NSMCE2: variants seen among roughly 807,000 people sequenced by gnomAD.
The protein encoded by NSMCE2 is NSE2 SUMO ligase component of SMC5/6 complex.
NSMCE2 carries 24 observed loss-of-function variants against 23.8 expected under a neutral mutation model. The observed-to-expected ratio is 1.01, with a 90% confidence interval of 0.73 to 1.42. The LOEUF is 1.42. NSMCE2 is among the 40% of genes most tolerant of loss of function. The probability of loss-of-function intolerance (pLI) is 0.00; values close to 1 mark genes in which losing one functional copy is unlikely to be tolerated. For synonymous variants in NSMCE2, 92 were observed against 94.1 expected (o/e 0.98, Z 0.13); for missense variants, 284 against 296.5 (o/e 0.96, Z 0.31).
chr8:125,236,216 A>G (rs1825542305), intron 5 of NSMCE2, among the ~76,000 whole-genome samples: 2 of 152,196 alleles, frequency 1.3e-5, no homozygotes, highest in African/African-American at 2.4e-5. Flanking sequence ...GGGAGTTTCT[A>G]GGGTGCTCAG....
At position 125,117,296 on chromosome 8, in the gene NSMCE2, A is replaced by G. The variant is rs956829899; in HGVS notation, c.157+14809A>G. On this transcript the variant is annotated intron_variant, in intron 3 of 7. Coordinates refer to ENST00000287437, the MANE Select transcript of NSMCE2 (RefSeq NM_173685.4). ...GAGTGTGGTGGCATGATCTCGGCTC[A>G]CTGCAACCTCCACCTCCCAGGTTCA... 7.2e-5 allele frequency among the ~76,000 whole-genome samples: 11 copies of G among 151,790 alleles called. No homozygotes were observed. The South Asian group carries it at 2.3e-3, about 32-fold the overall frequency.
intron 5 of NSMCE2, among the ~76,000 whole-genome samples, chr8:125,334,211 G>A (rs1829990147): frequency 6.6e-6 from 1 of 152,172 alleles, no homozygotes; most frequent in African/African-American, 2.4e-5. Flanking sequence ...CCATTTTGCA[G>A]AGAGGTCTGA....
In NSMCE2 at chr8:125,217,352, T is replaced by A. The variant is rs186830169; in HGVS notation, c.418+35096T>A. ...TTAAAAAATTTTATTTATTTATTTA[T>A]TTATTTATTTTTTATTTATTTATTT... On this transcript the variant is annotated intron_variant, in intron 5 of 7. Coordinates refer to ENST00000287437, the MANE Select transcript of NSMCE2 (RefSeq NM_173685.4). Among the ~76,000 whole-genome samples the A allele has an allele frequency of 4.6e-3, 689 of 149,688 alleles. 4 individuals are homozygous for A. Among genetic ancestry groups the A allele is most frequent in the Non-Finnish European group, 6.8e-3 (457 of 67,266 alleles).
At chr8:125,335,916 C>T (rs1408135131) in intron 5 of NSMCE2, among the ~76,000 whole-genome samples, 1 of 152,100 alleles carries the variant, frequency 6.6e-6, no homozygotes, top group African/African-American at 2.4e-5. Flanking sequence ...GAGATAGAGC[C>T]TCAGAAAACA....
At chr8:125,163,642 A>G (rs569756587) in intron 4 of NSMCE2, among the ~76,000 whole-genome samples, 1 of 152,350 alleles carries the variant, frequency 6.6e-6, no homozygotes, top group Admixed American at 6.5e-5. Context: ...AAAGGTGGTT[A>G]TATAGTTACC....
intron 5 of NSMCE2, among the ~76,000 whole-genome samples, chr8:125,342,920 G>A (rs9297716): frequency 0.44 from 67,520 of 151,886 alleles, 17,070 homozygotes; most frequent in East Asian, 0.55. Context: ...TTGCACCCTC[G>A]GGCTTTGATC....
intron 4 of NSMCE2, among the ~76,000 whole-genome samples, chr8:125,164,672 C>T (rs1190569432): frequency 1.3e-5 from 2 of 152,008 alleles, no homozygotes; most frequent in African/African-American, 4.8e-5. Context: ...TTATTTACTT[C>T]TTTAAAACTT....
intron 3 of NSMCE2, among the ~76,000 whole-genome samples, chr8:125,111,182 G>A (rs186919096): frequency 1.3e-5 from 2 of 152,202 alleles, no homozygotes; most frequent in African/African-American, 4.8e-5. Flanking sequence ...TCACTGTGTG[G>A]CAGTTACTTC....
intron 4 of NSMCE2, among the ~76,000 whole-genome samples, chr8:125,160,081 AC>A (rs778078886): frequency 1.3e-5 from 2 of 152,192 alleles, no homozygotes; most frequent in Non-Finnish European, 2.9e-5. Context: ...AAATAGTTTG[AC>A]AGAGACAATA....
intron 6 of NSMCE2, 81 bp from the exon 7 acceptor site, chr8:125,357,631 G>T: frequency 9.9e-7 from 1 of 1,006,464 alleles, no homozygotes; most frequent in Non-Finnish European, 1.5e-6. Context: ...GTTAAACATA[G>T]AAAGCTCAGG....
At chr8:125,238,588 C>G (rs1037242175) in intron 5 of NSMCE2, among the ~76,000 whole-genome samples, 1 of 152,030 alleles carries the variant, frequency 6.6e-6, no homozygotes, top group Non-Finnish European at 1.5e-5. Flanking sequence ...TCCTTTCTTT[C>G]CTGTTCCTCC....
intron 5 of NSMCE2, among the ~76,000 whole-genome samples, chr8:125,219,894 C>G (rs936502190): frequency 6.6e-6 from 1 of 152,196 alleles, no homozygotes; most frequent in Admixed American, 6.5e-5. Context: ...TGGTTCGTGC[C>G]ATTCAGAAAG....
chr8:125,303,827 A>G (rs115582454), intron 5 of NSMCE2, among the ~76,000 whole-genome samples: 1,665 of 152,284 alleles, frequency 0.011, 36 homozygotes, highest in African/African-American at 0.037. Context: ...TCATGGTGTA[A>G]AATTTCATTG....
intron 5 of NSMCE2, among the ~76,000 whole-genome samples, chr8:125,216,312 T>C (rs1289810401): frequency 6.6e-6 from 1 of 152,204 alleles, no homozygotes; most frequent in Non-Finnish European, 1.5e-5. Flanking sequence ...CAGTTCTTTT[T>C]TGTGTATATA....
intron 5 of NSMCE2, among the ~76,000 whole-genome samples, chr8:125,183,126 G>GC (rs1822907640): frequency 6.6e-6 from 1 of 152,116 alleles, no homozygotes; most frequent in Non-Finnish European, 1.5e-5. Flanking sequence ...CACACATGGA[G>GC]CAGGAGTGTT....
At chr8:125,257,144 C>T (rs146408672) in intron 5 of NSMCE2, among the ~76,000 whole-genome samples, 2,744 of 150,698 alleles carry the variant, frequency 0.018, 83 homozygotes, top group African/African-American at 0.062. Context: ...ATTAGTCAGG[C>T]GTGGTGGCAC....
At chr8:125,253,685 T>C (rs776299193) in intron 5 of NSMCE2, among the ~76,000 whole-genome samples, 2 of 152,220 alleles carry the variant, frequency 1.3e-5, no homozygotes, top group African/African-American at 4.8e-5. Context: ...CTTATCTTTA[T>C]ATGGAATTGC....
intron 4 of NSMCE2, among the ~76,000 whole-genome samples, chr8:125,171,852 C>T (rs1036414120): frequency 2.0e-5 from 3 of 152,294 alleles, no homozygotes; most frequent in South Asian, 2.1e-4. Flanking sequence ...GTGATGGAAA[C>T]GTTCTATATC....
chr8:125,213,633 CTTT>C (rs1824448329), intron 5 of NSMCE2, among the ~76,000 whole-genome samples: 1 of 145,366 alleles, frequency 6.9e-6, no homozygotes, highest in East Asian at 2.1e-4. Flanking sequence ...TTCTCTTTCT[CTTT>C]TTATTTCTCT....
Sources: gnomAD v4.1 joint callset for allele counts (sites outside exome capture counted in the v4.1 genomes callset) on GRCh38, gnomAD v4.1.1 for gene constraint, MANE v1.5 for transcripts, NCBI Gene and HGNC (gene_info 2026-07-23, HGNC 2026-07-21) for gene names.